The following NFIL3 variants were observed in gnomAD, a reference collection of about 807,000 sequenced individuals.
The protein encoded by NFIL3 is nuclear factor interleukin-3-regulated protein.
Under a neutral mutation model 10.0 loss-of-function variants are expected in NFIL3, and 5 were observed. That is an observed-to-expected ratio of 0.50 (90% CI 0.26 to 1.06). The LOEUF (loss-of-function observed/expected upper bound fraction) is 1.06. Among genes scored for constraint, NFIL3 ranks in the 50% least tolerant of loss-of-function variants. NFIL3 has a pLI of 0.13. For missense variants in NFIL3, 436 were observed against 547.6 expected, an observed-to-expected ratio of 0.80 and a Z score of 2.03; for synonymous variants, 202 against 206.5, an observed-to-expected ratio of 0.98 and a Z score of 0.19.
chr9:91,467,307 CACAA>C, the NFIL3 span, among the ~76,000 whole-genome samples: 1 of 151,864 alleles, frequency 6.6e-6, no homozygotes, highest in African/African-American at 2.4e-5. Context: ...TGTATATATA[CACAA>C]ACATACATCT....
At chr9:91,460,350 C>T in the NFIL3 span, among the ~76,000 whole-genome samples, 13 of 138,164 alleles carry the variant, frequency 9.4e-5, no homozygotes, top group African/African-American at 3.5e-4. Context: ...TCTTGGCTCA[C>T]TGCAACCTCC....
the NFIL3 span, among the ~76,000 whole-genome samples, chr9:91,436,449 G>A: frequency 8.0e-6 from 1 of 124,636 alleles, no homozygotes; most frequent in Non-Finnish European, 1.7e-5. Flanking sequence ...GTGGTGGCGG[G>A]CACCTTTAGT....
At chr9:91,469,311 T>C in the NFIL3 span, among the ~76,000 whole-genome samples, 11 of 152,226 alleles carry the variant, frequency 7.2e-5, no homozygotes, top group Non-Finnish European at 1.5e-4. Context: ...GGGAGTTCAC[T>C]CATGATTTGG....
the NFIL3 span, among the ~76,000 whole-genome samples, chr9:91,452,139 G>A: frequency 6.6e-6 from 1 of 152,096 alleles, no homozygotes; most frequent in Non-Finnish European, 1.5e-5. Context: ...TGGAATTCAG[G>A]AAAAGCTGAC....
At chr9:91,433,786 G>A in the NFIL3 span, among the ~76,000 whole-genome samples, 1 of 152,136 alleles carries the variant, frequency 6.6e-6, no homozygotes. Context: ...AACATATCTG[G>A]TGCCTAGGCA....
At chr9:91,477,289 G>A in the NFIL3 span, among the ~76,000 whole-genome samples, 7 of 152,142 alleles carry the variant, frequency 4.6e-5, no homozygotes, top group East Asian at 5.8e-4. Flanking sequence ...CCATCTCAGC[G>A]ACAGGGAGTC....
the NFIL3 span, among the ~76,000 whole-genome samples, chr9:91,443,207 G>A: frequency 1.3e-5 from 2 of 152,184 alleles, no homozygotes; most frequent in African/African-American, 4.8e-5. Flanking sequence ...GGCTCAGAAG[G>A]GAAGAAATGC....
At position 91,410,634 on chromosome 9, in the gene NFIL3, T is replaced by A; in HGVS notation, c.101A>T (p.Glu34Val). The part of the protein sequence containing the change: ...KMMVLNSALT[E>V]VSEDSTTGEE... ...ACCTGTTGTGGAGTCTTCTGACACT[T>A]CCGTTAAAGCAGAATTAAGGACCAT... is the stretch of plus-strand genomic sequence containing the variant. The change falls in exon 2 of 2, where the codon GAA (glutamate) becomes GTA (valine). Residue 34 changes from glutamate (E) to valine (V), a missense_variant. By Grantham distance (121) the Glu-to-Val change is moderately radical. Coordinates refer to ENST00000297689, the MANE Select transcript of NFIL3 (RefSeq NM_005384.3). This position sits in a 1 kb window ranked among gnomAD's most constrained non-coding sequence, Gnocchi z 5.7. 6.2e-7 allele frequency: 1 copy of A among 1,614,218 alleles called. No homozygotes were observed. The highest frequency in any genetic ancestry group is 1.1e-5 in the South Asian group (1 of 91,082).
chr9:91,432,627 A>G, the NFIL3 span, among the ~76,000 whole-genome samples: 5 of 151,864 alleles, frequency 3.3e-5, no homozygotes, highest in African/African-American at 1.2e-4. Context: ...TGTTGCTGAC[A>G]CATAAGAACC....
chr9:91,425,708 G>A (rs1833865751), upstream of NFIL3, among the ~76,000 whole-genome samples: 1 of 152,258 alleles, frequency 6.6e-6, no homozygotes, highest in East Asian at 1.9e-4. Context: ...GAACTCCTGG[G>A]CTCAAAGGAT....
the NFIL3 span, among the ~76,000 whole-genome samples, chr9:91,461,242 A>T: frequency 2.4e-3 from 361 of 152,352 alleles, 3 homozygotes; most frequent in East Asian, 0.027. Flanking sequence ...ACACAGAAGA[A>T]AATACATCCC....
chr9:91,431,605 G>C, the NFIL3 span, among the ~76,000 whole-genome samples: 1 of 152,180 alleles, frequency 6.6e-6, no homozygotes, highest in African/African-American at 2.4e-5. Context: ...GAGAAAGCCA[G>C]CTGGAGACTA....
chr9:91,434,052 C>T, the NFIL3 span, among the ~76,000 whole-genome samples: 1 of 151,856 alleles, frequency 6.6e-6, no homozygotes. Context: ...TGATGATTAC[C>T]CCCAAATTAA....
chr9:91,450,815 A>G, the NFIL3 span, among the ~76,000 whole-genome samples: 3 of 152,278 alleles, frequency 2.0e-5, no homozygotes, highest in African/African-American at 4.8e-5. Context: ...GAAGTCTTCA[A>G]TTATTATTGT....
the NFIL3 span, among the ~76,000 whole-genome samples, chr9:91,429,362 A>C: frequency 6.6e-6 from 1 of 152,152 alleles, no homozygotes; most frequent in Non-Finnish European, 1.5e-5. Context: ...TCTCATTAGC[A>C]TGGGTTGACT....
intron 1 of NFIL3, among the ~76,000 whole-genome samples, chr9:91,415,624 T>A (rs1833639115): frequency 7.2e-6 from 1 of 139,326 alleles, no homozygotes; most frequent in Admixed American, 7.2e-5. Context: ...CTACTTCTTC[T>A]TTTTTTTTTT....
the NFIL3 span, among the ~76,000 whole-genome samples, chr9:91,458,222 A>G: frequency 9.9e-5 from 15 of 151,966 alleles, no homozygotes; most frequent in Non-Finnish European, 1.9e-4. Context: ...TAGTATTATT[A>G]TTTTCTTAAA....
intron 1 of NFIL3, among the ~76,000 whole-genome samples, chr9:91,422,333 C>T (rs1213712501): frequency 1.3e-5 from 2 of 152,158 alleles, no homozygotes; most frequent in African/African-American, 4.8e-5. Flanking sequence ...TGCGAGGCCA[C>T]AATTGTTAAA....
the NFIL3 span, among the ~76,000 whole-genome samples, chr9:91,436,784 C>T: frequency 6.6e-6 from 1 of 152,174 alleles, no homozygotes; most frequent in African/African-American, 2.4e-5. Context: ...GGAAGAGGTT[C>T]CTCTGCCAAG....
Sources: gnomAD v4.1 joint callset for allele counts (sites outside exome capture counted in the v4.1 genomes callset) on GRCh38, gnomAD v4.1.1 for gene constraint, Gnocchi (gnomAD v3.1) non-coding constraint, MANE v1.5 for transcripts, NCBI Gene and HGNC (gene_info 2026-07-23, HGNC 2026-07-21) for gene names.